Variants in GRM3 observed in about 807,000 individuals in gnomAD.
The protein encoded by GRM3 is metabotropic glutamate receptor 3.
In GRM3, 26 loss-of-function variants were observed where a neutral mutation model predicts 70.5. That is an observed-to-expected ratio of 0.37 (90% CI 0.27 to 0.51). The LOEUF is 0.51. GRM3 is among the 20% of genes least tolerant of loss of function. GRM3 has a pLI of 0.93. For synonymous variants in GRM3, 443 were observed against 434.9 expected, an observed-to-expected ratio of 1.02 and a Z score of -0.23; for missense variants, 859 against 1,123.8, an observed-to-expected ratio of 0.76 and a Z score of 3.37.
At chr7:86,741,541 G>A (rs1795992294) in intron 1 of GRM3, among the ~76,000 whole-genome samples, 1 of 152,138 alleles carries the variant, frequency 6.6e-6, no homozygotes, top group Admixed American at 6.6e-5. Context: ...ATGATGAACT[G>A]GTGTGAGCTA....
rs369884341 is a variant in GRM3, at chr7:86,860,222, G to C, written c.2567-4060G>C. 5.9e-5 allele frequency among the ~76,000 whole-genome samples: 9 copies of C among 152,184 alleles called. No homozygotes were observed. The East Asian group carries it at 1.4e-3, about 23-fold the overall frequency. ...GGATTTCATCAGAATAACAGAAAAA[G>C]CTCATCACAAACATACACACAGAAA... is the stretch of plus-strand genomic sequence containing the variant. On this transcript the variant is annotated intron_variant, in intron 5 of 5. Coordinates refer to ENST00000361669, the MANE Select transcript of GRM3 (RefSeq NM_000840.3).
intron 3 of GRM3, among the ~76,000 whole-genome samples, chr7:86,806,151 A>T (rs1038883619): frequency 1.3e-5 from 2 of 152,242 alleles, no homozygotes; most frequent in South Asian, 2.1e-4. Context: ...TCTATCATTG[A>T]TGGACATTTG....
intron 4 of GRM3, among the ~76,000 whole-genome samples, chr7:86,842,394 C>T (rs1798573861): frequency 6.6e-6 from 1 of 152,144 alleles, no homozygotes; most frequent in African/African-American, 2.4e-5. Flanking sequence ...ATTAGCTGGA[C>T]CTGAGTAGTG....
intron 3 of GRM3, among the ~76,000 whole-genome samples, chr7:86,827,560 C>A (rs898629464): frequency 6.6e-6 from 1 of 151,712 alleles, no homozygotes; most frequent in Non-Finnish European, 1.5e-5. Flanking sequence ...GTCCCCCAGG[C>A]TGGAGTGCAA....
In GRM3 at chr7:86,765,346, A is replaced by G. The variant is rs1207592164; in HGVS notation, c.201A>G (p.Gln67=). 6.2e-7 allele frequency: 1 copy of G among 1,613,812 alleles called. No individual in the cohort carries two copies. The highest frequency in any genetic ancestry group is 1.3e-5 in the African/African-American group (1 of 74,910). Residue 67 remains glutamine (Q), a synonymous_variant, in exon 2 of 6, where the codon CAA becomes CAG. Transcript: ENST00000361669. ...GAATCAATGAAGACCGAGGGATTCAACGCCTGGAAGCCATGTTGTTTGCTA... is the reference window on the plus strand; with the variant it reads ...GAATCAATGAAGACCGAGGGATTCAGCGCCTGGAAGCCATGTTGTTTGCTA... ...CGRINEDRGI[Q]RLEAMLFAID...
At chr7:86,863,279 C>A (rs184871352) in intron 5 of GRM3, among the ~76,000 whole-genome samples, 93 of 152,226 alleles carry the variant, frequency 6.1e-4, no homozygotes, top group African/African-American at 2.1e-3. Flanking sequence ...TAGCTAAGAA[C>A]TGTATCTAGG....
intron 3 of GRM3, among the ~76,000 whole-genome samples, chr7:86,808,850 G>A (rs1271116465): frequency 6.6e-6 from 1 of 152,060 alleles, no homozygotes; most frequent in Non-Finnish European, 1.5e-5. Flanking sequence ...AAAGAGACCA[G>A]TGTGGCTAGA....
At chr7:86,776,079 A>G (rs979095246) in intron 2 of GRM3, 4 of 152,092 alleles carry the variant, frequency 2.6e-5, no homozygotes, top group Non-Finnish European at 5.9e-5. Context: ...TGTATAATCG[A>G]CATCAGTCAA....
chr7:86,812,440 G>C (rs1797928347), intron 3 of GRM3, among the ~76,000 whole-genome samples: 1 of 151,826 alleles, frequency 6.6e-6, no homozygotes, highest in South Asian at 2.1e-4. Flanking sequence ...TGTGGCTACA[G>C]AATCAGTATT....
At chr7:86,785,667 G>A (rs1249314507) in intron 2 of GRM3, among the ~76,000 whole-genome samples, 1 of 144,800 alleles carries the variant, frequency 6.9e-6, no homozygotes, top group African/African-American at 2.6e-5. Context: ...ATGTTGGGTG[G>A]TGGACTAAAT....
Position 86,839,486 on chromosome 7 carries a change from G to A in GRM3, c.1972G>A (p.Ala658Thr). The A allele has an allele frequency of 2.5e-6, 4 of 1,610,746 alleles. No individual in the cohort carries two copies. The highest frequency in any genetic ancestry group is 1.1e-5 in the South Asian group (1 of 90,550). The change falls in exon 4 of 6, where the codon GCC becomes ACC. Residue 658 changes from alanine to threonine, a missense_variant. Ala to Thr is a moderately conservative substitution (Grantham distance 58). Coordinates refer to ENST00000361669, the MANE Select transcript of GRM3 (RefSeq NM_000840.3). The surrounding 1 kb of genome is among the most constrained non-coding windows in gnomAD (Gnocchi z 4.5). ...GAGTTCCTTCGCTATCTGTTACTCA[G>A]CCCTGCTGACCAAGACAAACTGCAT... Reference protein sequence around the residue: ...LGSSFAICYSALLTKTNCIAR... With the variant: ...LGSSFAICYSTLLTKTNCIAR...
chr7:86,843,727 A>T (rs1798602010), intron 4 of GRM3, among the ~76,000 whole-genome samples: 1 of 152,206 alleles, frequency 6.6e-6, no homozygotes, highest in African/African-American at 2.4e-5. Flanking sequence ...TTATCAACAT[A>T]GGCAAGTCTC....
At chr7:86,850,816 T>C (rs1798742353) in intron 5 of GRM3, among the ~76,000 whole-genome samples, 1 of 152,126 alleles carries the variant, frequency 6.6e-6, no homozygotes, top group Admixed American at 6.6e-5. Context: ...TTGACCATGT[T>C]GTGGGGTTAG....
At chr7:86,762,355 C>T (rs921660708) in intron 1 of GRM3, among the ~76,000 whole-genome samples, 1 of 152,118 alleles carries the variant, frequency 6.6e-6, no homozygotes, top group Non-Finnish European at 1.5e-5. Flanking sequence ...ACAGACAAAA[C>T]ATACCCCAGC....
chr7:86,846,713 C>G (rs1298778912), intron 4 of GRM3, among the ~76,000 whole-genome samples: 1 of 152,194 alleles, frequency 6.6e-6, no homozygotes, highest in Non-Finnish European at 1.5e-5. Context: ...TAAAGTGGAA[C>G]ACTATTTATT....
At chr7:86,718,043 A>C (rs1252663506) in intron 1 of GRM3, among the ~76,000 whole-genome samples, 1 of 151,978 alleles carries the variant, frequency 6.6e-6, no homozygotes. Context: ...GAAATCCTAC[A>C]AGTGTGAATA....
At chr7:86,725,609 GAGCA>G (rs1795574597) in intron 1 of GRM3, among the ~76,000 whole-genome samples, 1 of 152,136 alleles carries the variant, frequency 6.6e-6, no homozygotes, top group Non-Finnish European at 1.5e-5. Context: ...CATTGTAGAA[GAGCA>G]TGTAGGACAG....
intron 1 of GRM3, among the ~76,000 whole-genome samples, chr7:86,727,635 G>A (rs886505470): frequency 3.3e-5 from 5 of 152,190 alleles, no homozygotes; most frequent in African/African-American, 9.7e-5. Context: ...CCAAGCAGAT[G>A]TTTAATATAT....
intron 1 of GRM3, among the ~76,000 whole-genome samples, chr7:86,719,457 C>T (rs1562837271): frequency 1.3e-5 from 2 of 152,040 alleles, no homozygotes; most frequent in East Asian, 1.9e-4. Context: ...GGAAAGCAGA[C>T]CTGTGAACAA....
Sources: gnomAD v4.1 joint callset for allele counts (sites outside exome capture counted in the v4.1 genomes callset) on GRCh38, gnomAD v4.1.1 for gene constraint, Gnocchi (gnomAD v3.1) non-coding constraint, MANE v1.5 for transcripts, NCBI Gene and HGNC (gene_info 2026-07-23, HGNC 2026-07-21) for gene names.